C6orf132: variants seen among roughly 807,000 people sequenced by gnomAD.
The protein encoded by C6orf132 is uncharacterized protein C6orf132.
In C6orf132, 43 loss-of-function variants were observed where a neutral mutation model predicts 65.3. The observed-to-expected ratio is 0.66, with a 90% CI of 0.52 to 0.85. The LOEUF (loss-of-function observed/expected upper bound fraction) is 0.85. Ranked by LOEUF, C6orf132 falls within the 40% of genes least tolerant of loss-of-function variation. The pLI is 0.00. For synonymous variants in C6orf132, 631 were observed against 654.1 expected (o/e 0.96, Z 0.54); for missense variants, 1,488 against 1,548.8 (o/e 0.96, Z 0.66).
rs1441230974 is a variant in C6orf132 at position 42,104,029 on chromosome 6, C to T, written c.3450-151G>A. Among the ~76,000 whole-genome samples the T allele has an allele frequency of 6.6e-6, 1 of 151,930 alleles. No homozygotes were observed. Among genetic ancestry groups the T allele is most frequent in the Non-Finnish European group, 1.5e-5 (1 of 68,018 alleles). ...GGGCTTATCGACCCCAGGGAGGGACCGCAGACATCACAAACAGGGCTCCCA... is the reference window on the plus strand; with the variant it reads ...GGGCTTATCGACCCCAGGGAGGGACTGCAGACATCACAAACAGGGCTCCCA... On this transcript the variant is annotated intron_variant, in intron 4 of 4. Transcript: ENST00000341865. The surrounding 1 kb of genome is among the most constrained non-coding windows in gnomAD (Gnocchi z 4.1).
intron 2 of C6orf132, among the ~76,000 whole-genome samples, chr6:42,121,680 G>A (rs918289031): frequency 6.6e-6 from 1 of 152,242 alleles, no homozygotes; most frequent in African/African-American, 2.4e-5. Flanking sequence ...TCTTAGCTAC[G>A]CATCGTGGAA....
At chr6:42,108,826 G>A (rs11965361) in intron 3 of C6orf132, among the ~76,000 whole-genome samples, 14,318 of 152,074 alleles carry the variant, frequency 0.094, 884 homozygotes, top group Middle Eastern at 0.19. Context: ...GTCCCTAACA[G>A]TGTGGCGAAC....
intron 1 of C6orf132, among the ~76,000 whole-genome samples, chr6:42,133,032 C>T (rs550933848): frequency 6.6e-6 from 1 of 152,150 alleles, no homozygotes. Flanking sequence ...AAGGTCAGAA[C>T]TGGGGTCTTC....
intron 1 of C6orf132, among the ~76,000 whole-genome samples, chr6:42,139,262 T>C (rs909428905): frequency 6.6e-6 from 1 of 152,152 alleles, no homozygotes; most frequent in Non-Finnish European, 1.5e-5. Flanking sequence ...CTAATCCCAC[T>C]CTCTCTGAGA....
At chr6:42,110,192 G>A in intron 3 of C6orf132, 24 bp downstream of exon 3, 1 of 1,536,598 alleles carries the variant, frequency 6.5e-7, no homozygotes, top group Non-Finnish European at 8.8e-7. Flanking sequence ...AGATGGACAA[G>A]CCCCAAGCCC....
Position 42,105,160 on chromosome 6 carries a change from GCCCCC to G in C6orf132, c.2747_2751del (p.Trp916SerfsTer78). 6.5e-7 allele frequency: 1 copy of G among 1,537,096 alleles called. No homozygotes were observed. The highest frequency in any genetic ancestry group is 8.7e-7 in the Non-Finnish European group (1 of 1,146,840). ...CCCTCTGCGTCTCTTCCCAGCCGCG[GCCCCC>G]ACTTATTGGGTATTTCGGTCGTCAG... On this transcript the variant is annotated frameshift_variant, in exon 4 of 5. Coordinates refer to ENST00000341865, the MANE Select transcript of C6orf132 (RefSeq NM_001164446.3). LOFTEE classifies it high-confidence loss of function.
intron 1 of C6orf132, among the ~76,000 whole-genome samples, chr6:42,136,412 G>A (rs1453082581): frequency 6.6e-6 from 1 of 152,186 alleles, no homozygotes; most frequent in African/African-American, 2.4e-5. Context: ...CAGGAGCACC[G>A]GCTACAGATC....
chr6:42,109,288 C>T (rs891374902), intron 3 of C6orf132, among the ~76,000 whole-genome samples: 1 of 152,078 alleles, frequency 6.6e-6, no homozygotes, highest in Non-Finnish European at 1.5e-5. Flanking sequence ...CAAAAATTAG[C>T]TGGGCATGGT....
chr6:42,141,884 A>C (rs1767037480), intron 1 of C6orf132, among the ~76,000 whole-genome samples: 1 of 152,136 alleles, frequency 6.6e-6, no homozygotes, highest in African/African-American at 2.4e-5. Context: ...CTTAGCCCCC[A>C]GTTCTTCAGG....
At chr6:42,118,763 G>A (rs1027690239) in intron 2 of C6orf132, among the ~76,000 whole-genome samples, 7 of 151,618 alleles carry the variant, frequency 4.6e-5, no homozygotes, top group South Asian at 2.1e-4. Flanking sequence ...GCACTTCCTC[G>A]TCCTCACACC....
At chr6:42,119,342 T>TTTC (rs1766642812) in intron 2 of C6orf132, among the ~76,000 whole-genome samples, 1 of 25,434 alleles carries the variant, frequency 3.9e-5, no homozygotes, top group African/African-American at 3.1e-4. Flanking sequence ...GCTTTCCAGC[T>TTTC]TTTTTTTTTT....
chr6:42,128,938 G>C (rs1562040739), intron 1 of C6orf132, among the ~76,000 whole-genome samples, 160 bp from the exon 2 acceptor site: 1 of 152,234 alleles, frequency 6.6e-6, no homozygotes, highest in Non-Finnish European at 1.5e-5. Flanking sequence ...AGATCTTATG[G>C]ATGAGATGTG....
chr6:42,125,059 A>T (rs559943397), intron 2 of C6orf132, among the ~76,000 whole-genome samples: 1 of 152,180 alleles, frequency 6.6e-6, no homozygotes, highest in South Asian at 2.1e-4. Context: ...CGTCAAAAGC[A>T]TCTATGAGCC....
rs2474347 is a variant in C6orf132, at chr6:42,140,203, G to A, written c.145+2097C>T. Among the ~76,000 whole-genome samples the A allele has an allele frequency of 5.3e-3, 811 of 152,394 alleles. 5 individuals are homozygous for A. Among genetic ancestry groups the A allele is most frequent in the African/African-American group, 0.018 (766 of 41,592 alleles). The stretch of plus-strand genomic sequence containing the variant: ...CCTGCCTTGAGGAACGGGAGGAGCT[G>A]TCCTTTGGACTCCAGCTCTGCCCAG... On this transcript the variant is annotated intron_variant, in intron 1 of 4. Coordinates refer to ENST00000341865, the MANE Select transcript of C6orf132 (RefSeq NM_001164446.3).
At chr6:42,108,693 A>G (rs926668226) in intron 3 of C6orf132, among the ~76,000 whole-genome samples, 1 of 152,148 alleles carries the variant, frequency 6.6e-6, no homozygotes, top group African/African-American at 2.4e-5. Context: ...TGCTAAAGAG[A>G]TGCTGAGAGC....
In C6orf132 at chr6:42,110,257, G is replaced by T. The variant is rs1211540391; in HGVS notation, c.287C>A (p.Thr96Asn). The change falls in exon 3 of 5, where the codon ACC becomes AAC. Residue 96 changes from threonine to asparagine, a missense_variant. Coordinates refer to ENST00000341865, the MANE Select transcript of C6orf132 (RefSeq NM_001164446.3). ...TGCAAAATCATCTGGAACCGAGGGG[G>T]TGGGCACAGCCAGCCCATGGTTTTC... Reference protein sequence around the residue: ...AQENHGLAVPTPSVPDDFADK... With the variant: ...AQENHGLAVPNPSVPDDFADK... The T allele has an allele frequency of 1.3e-6, 2 of 1,547,930 alleles. No homozygotes were observed. Among genetic ancestry groups the T allele is most frequent in the Admixed American group, 2.0e-5 (1 of 50,430 alleles).
In C6orf132 at chr6:42,102,482, C is replaced by T. The variant is rs1325307677; in HGVS notation, c.*1279G>A. 6.6e-6 allele frequency: 1 copy of T among 151,790 alleles called. No homozygotes were observed. Among genetic ancestry groups the T allele is most frequent in the Non-Finnish European group, 1.5e-5 (1 of 68,006 alleles). The allele number at this position is 151,790 out of a possible 1,614,324, so 9.4% of individuals were successfully genotyped here. ...CCTCATGATCCACCCGCCTCAGCCT[C>T]CCAAAGTGCTAGAATTACAGGTGTG... On this transcript the variant is annotated 3_prime_UTR_variant, in exon 5 of 5. Transcript: ENST00000341865.
intron 1 of C6orf132, among the ~76,000 whole-genome samples, chr6:42,131,193 G>C (rs1178482995): frequency 6.6e-6 from 1 of 151,878 alleles, no homozygotes; most frequent in African/African-American, 2.4e-5. Flanking sequence ...GCTAATTTTT[G>C]TATTTTTAGT....
At chr6:42,133,608 C>T (rs1245723697) in intron 1 of C6orf132, among the ~76,000 whole-genome samples, 2 of 152,160 alleles carry the variant, frequency 1.3e-5, no homozygotes, top group Non-Finnish European at 2.9e-5. Flanking sequence ...AGATGGACCA[C>T]AGTCCTGTCA....
Sources: gnomAD v4.1 joint callset for allele counts (sites outside exome capture counted in the v4.1 genomes callset) on GRCh38, gnomAD v4.1.1 for gene constraint, Gnocchi (gnomAD v3.1) non-coding constraint, MANE v1.5 for transcripts, NCBI Gene and HGNC (gene_info 2026-07-23, HGNC 2026-07-21) for gene names.